Variants in CNTNAP2 observed in about 807,000 individuals in gnomAD.
The protein encoded by CNTNAP2 is contactin associated protein 2.
CNTNAP2 carries 98 observed loss-of-function variants against 155.2 expected under a neutral mutation model. The ratio of observed to expected loss-of-function variants is 0.63; its 90% CI spans 0.54 to 0.75. The LOEUF is 0.75. Ranked by LOEUF, CNTNAP2 falls within the 30% of genes least tolerant of loss-of-function variation. The pLI is 0.00. For missense variants in CNTNAP2, 1,727 were observed against 1,688.1 expected, an observed-to-expected ratio of 1.02 and a Z score of -0.40; for synonymous variants, 651 against 631.2, an observed-to-expected ratio of 1.03 and a Z score of -0.47.
chr7:147,111,881 GT>G lies in CNTNAP2; in HGVS notation c.754+3538del, dbSNP rs995049975. 3.3e-5 allele frequency among the ~76,000 whole-genome samples: 5 copies of G among 152,180 alleles called. No individual in the cohort carries two copies. In the East Asian group the frequency reaches 7.7e-4, roughly 24 times the overall value. On this transcript the variant is annotated intron_variant, in intron 5 of 23. Coordinates refer to ENST00000361727, the MANE Select transcript of CNTNAP2 (RefSeq NM_014141.6). ...TTGGTTCCATGTGAATTTTTAAATAGTTTTTTTAAATTCTCTGAAGAATGGT... is the reference window on the plus strand; with the variant it reads ...TTGGTTCCATGTGAATTTTTAAATAGTTTTTTAAATTCTCTGAAGAATGGT...
In CNTNAP2 at chr7:146,721,889, A is replaced by ATATATATATATATTTTTTTTTTTTT; in HGVS notation, c.98-52381_98-52380insATATATATATATTTTTTTTTTTTTT. Among the ~76,000 whole-genome samples, 7 of 69,736 alleles carry ATATATATATATATTTTTTTTTTTTT rather than the reference A, an allele frequency of 1.0e-4. 1 individual carries two copies. The African/African-American group carries it at 1.3e-3, about 13-fold the overall frequency. The allele number at this position is 69,736 out of a possible 152,430, so 45.7% of individuals were successfully genotyped here. ...TGTGTGTGTGTGTATATATATATAT[A>ATATATATATATATTTTTTTTTTTTT]TTTTTTTTTTTTTTTTTGAGATGGA... On this transcript the variant is annotated intron_variant, in intron 1 of 23. Transcript: ENST00000361727.
At chr7:146,452,126 C>A (rs920154360) in intron 1 of CNTNAP2, among the ~76,000 whole-genome samples, 1 of 151,690 alleles carries the variant, frequency 6.6e-6, no homozygotes, top group Admixed American at 6.6e-5. Context: ...CCAGGATGGT[C>A]TTGATATCTT....
intron 14 of CNTNAP2, among the ~76,000 whole-genome samples, chr7:147,957,681 G>A (rs2116838459): frequency 6.6e-6 from 1 of 152,226 alleles, no homozygotes; most frequent in South Asian, 2.1e-4. Context: ...AAAATCATCA[G>A]TTGATATACT....
At chr7:147,617,166 A>T (rs1203684546) in intron 12 of CNTNAP2, among the ~76,000 whole-genome samples, 1 of 152,174 alleles carries the variant, frequency 6.6e-6, no homozygotes, top group Admixed American at 6.5e-5. Context: ...ACACATCCCC[A>T]TTCATCTGTC....
At chr7:146,689,482 G>A (rs1800660662) in intron 1 of CNTNAP2, among the ~76,000 whole-genome samples, 1 of 152,018 alleles carries the variant, frequency 6.6e-6, no homozygotes, top group Non-Finnish European at 1.5e-5. Flanking sequence ...AATTTTCTCA[G>A]TGGTGTTTGT....
intron 1 of CNTNAP2, among the ~76,000 whole-genome samples, chr7:146,426,054 C>A (rs549627979): frequency 9.9e-4 from 150 of 151,346 alleles, no homozygotes; most frequent in African/African-American, 3.5e-3. Context: ...GCCGTGGCGG[C>A]GCAAGCCTGT....
chr7:147,853,703 A>G (rs906356417), intron 13 of CNTNAP2, among the ~76,000 whole-genome samples: 3 of 152,204 alleles, frequency 2.0e-5, no homozygotes, highest in Non-Finnish European at 4.4e-5. Context: ...TTAACAGGCT[A>G]TATTAGCTGT....
intron 1 of CNTNAP2, among the ~76,000 whole-genome samples, chr7:146,181,111 G>T (rs943832041): frequency 1.3e-5 from 2 of 152,246 alleles, no homozygotes; most frequent in African/African-American, 4.8e-5. Context: ...GAATGCATAT[G>T]CTTCTGCAAA....
At chr7:146,130,496 T>C (rs1289981374) in intron 1 of CNTNAP2, among the ~76,000 whole-genome samples, 1 of 152,200 alleles carries the variant, frequency 6.6e-6, no homozygotes, top group African/African-American at 2.4e-5. Flanking sequence ...AAAAAGAATT[T>C]AGGTCAGTAT....
intron 11 of CNTNAP2, among the ~76,000 whole-genome samples, chr7:147,554,161 A>G (rs1799906218): frequency 6.6e-6 from 1 of 152,148 alleles, no homozygotes; most frequent in Non-Finnish European, 1.5e-5. Flanking sequence ...TCTCCTTCTT[A>G]GAGTTTTCTA....
chr7:146,569,043 G>C (rs967448496), intron 1 of CNTNAP2, among the ~76,000 whole-genome samples: 23 of 151,478 alleles, frequency 1.5e-4, no homozygotes, highest in Non-Finnish European at 3.4e-4. Flanking sequence ...TTGAGAAGGA[G>C]TCTCGCTCTG....
At chr7:146,132,548 A>G (rs988472720) in intron 1 of CNTNAP2, among the ~76,000 whole-genome samples, 1 of 141,754 alleles carries the variant, frequency 7.1e-6, no homozygotes, top group African/African-American at 2.6e-5. Flanking sequence ...TATATCTCCC[A>G]ATGCTATCCC....
At chr7:148,403,340 T>C (rs1181378096) in intron 22 of CNTNAP2, among the ~76,000 whole-genome samples, 1 of 152,016 alleles carries the variant, frequency 6.6e-6, no homozygotes, top group East Asian at 1.9e-4. Context: ...CAGAAATATG[T>C]GGGCTTTTAT....
chr7:147,300,437 AAAAAAG>A (rs1794926377), intron 9 of CNTNAP2, 147 bp downstream of exon 9: 6 of 916,016 alleles, frequency 6.6e-6, no homozygotes, highest in Non-Finnish European at 9.9e-6. Context: ...GAGCAAAACA[AAAAAAG>A]AAAAGGAAAA....
chr7:146,484,480 A>G (rs1215777649), intron 1 of CNTNAP2, among the ~76,000 whole-genome samples: 1 of 152,170 alleles, frequency 6.6e-6, no homozygotes, highest in African/African-American at 2.4e-5. Context: ...TTTTGTTTAT[A>G]TTCATCAGAT....
intron 1 of CNTNAP2, among the ~76,000 whole-genome samples, chr7:146,477,271 T>C (rs1004334412): frequency 1.3e-5 from 2 of 152,208 alleles, no homozygotes; most frequent in African/African-American, 2.4e-5. Context: ...TTCAGATAGA[T>C]TATTTTAAAA....
At chr7:148,010,951 A>G (rs548896303) in intron 15 of CNTNAP2, among the ~76,000 whole-genome samples, 40 of 152,260 alleles carry the variant, frequency 2.6e-4, no homozygotes, top group African/African-American at 9.4e-4. Context: ...TTGATTTTTA[A>G]TAAAGTTCTT....
At chr7:146,417,414 C>G (rs575297535) in intron 1 of CNTNAP2, among the ~76,000 whole-genome samples, 109 of 152,212 alleles carry the variant, frequency 7.2e-4, no homozygotes, top group African/African-American at 2.5e-3. Flanking sequence ...CTAAGTACCT[C>G]TCTGGTAAGA....
chr7:147,020,644 A>G (rs981601731), intron 3 of CNTNAP2, among the ~76,000 whole-genome samples: 3 of 152,226 alleles, frequency 2.0e-5, no homozygotes, highest in African/African-American at 7.2e-5. Flanking sequence ...ATTTAGACCA[A>G]TGAAATAACA....
Sources: gnomAD v4.1 joint callset for allele counts (sites outside exome capture counted in the v4.1 genomes callset) on GRCh38, gnomAD v4.1.1 for gene constraint, MANE v1.5 for transcripts, NCBI Gene and HGNC (gene_info 2026-07-23, HGNC 2026-07-21) for gene names.